The following ZFHX3 variants were observed in gnomAD, a reference collection of about 807,000 sequenced individuals.
ZFHX3 encodes the protein zinc finger homeobox protein 3.
A neutral mutation model predicts 279.1 loss-of-function variants in ZFHX3; 42 were observed. That is an observed-to-expected ratio of 0.15 (90% CI 0.12 to 0.19). The LOEUF is 0.19. Among genes scored for constraint, ZFHX3 ranks in the 10% least tolerant of loss-of-function variants. The pLI is 1.00. For synonymous variants in ZFHX3, 2,293 were observed against 1,957.8 expected, an observed-to-expected ratio of 1.17 and a Z score of -4.52; for missense variants, 4,981 against 4,754.0, an observed-to-expected ratio of 1.05 and a Z score of -1.40.
chr16:73,722,252 G>A (rs2053480427), intron 1 of ZFHX3, among the ~76,000 whole-genome samples: 1 of 152,130 alleles, frequency 6.6e-6, no homozygotes, highest in Non-Finnish European at 1.5e-5. Flanking sequence ...CAGATTCAAA[G>A]AAACCAAGGA....
At chr16:73,132,609 A>G (rs1372891743) in intron 6 of ZFHX3, among the ~76,000 whole-genome samples, 2 of 152,146 alleles carry the variant, frequency 1.3e-5, no homozygotes, top group African/African-American at 4.8e-5. Context: ...AGGACCACAT[A>G]TCACACAGAG....
chr16:73,176,378 G>C (rs773657614), intron 5 of ZFHX3, among the ~76,000 whole-genome samples: 6 of 152,152 alleles, frequency 3.9e-5, no homozygotes, highest in Non-Finnish European at 7.3e-5. Context: ...AGTGATGATA[G>C]GAAGTCAAGT....
At chr16:73,569,093 C>T (rs1238150225) in intron 2 of ZFHX3, among the ~76,000 whole-genome samples, 1 of 152,156 alleles carries the variant, frequency 6.6e-6, no homozygotes, top group Non-Finnish European at 1.5e-5. Context: ...GAAGTCAAGC[C>T]AGGGACCTTA....
At chr16:73,026,184 A>G (rs1964489641) in intron 1 of ZFHX3, among the ~76,000 whole-genome samples, 2 of 105,318 alleles carry the variant, frequency 1.9e-5, no homozygotes, top group Admixed American at 1.2e-4. Context: ...CCATCTCTAC[A>G]AAAAATACAA....
Position 73,843,356 on chromosome 16 carries a change from A to G in ZFHX3, c.-1608+48295T>C, listed in dbSNP as rs542904974. 3.5e-4 allele frequency among the ~76,000 whole-genome samples: 53 copies of G among 152,316 alleles called. No homozygotes were observed. In the South Asian group the frequency reaches 9.3e-3, roughly 27 times the overall value. ...AAAACGTGTGAAGATATTCAGCACA[A>G]AAGGCCCGGTTTTGAACGTCGATAA... On this transcript the variant is annotated intron_variant, in intron 1 of 17. Coordinates refer to the ZFHX3 transcript ENST00000641206.
intron 4 of ZFHX3, among the ~76,000 whole-genome samples, chr16:72,835,016 T>A (rs1184877357): frequency 1.3e-5 from 2 of 152,278 alleles, no homozygotes; most frequent in Non-Finnish European, 2.9e-5. Context: ...TGCCTCAGTG[T>A]GACAGAAATT....
Position 73,016,353 on chromosome 16 carries a change from G to A in ZFHX3, c.-50+31399C>T, listed in dbSNP as rs371461894. On this transcript the variant is annotated intron_variant, in intron 1 of 9. Transcript: ENST00000268489. Reference sequence around the variant, plus strand: ...GTTCAATTTTAGCACACATGTACAAGGCGCTACTTTGTACATGACAAGATG... The same window carrying A: ...GTTCAATTTTAGCACACATGTACAAAGCGCTACTTTGTACATGACAAGATG... 7.0e-4 allele frequency among the ~76,000 whole-genome samples: 107 copies of A among 152,134 alleles called. 1 individual carries two copies. The highest frequency in any genetic ancestry group is 2.3e-3 in the African/African-American group (96 of 41,480).
At chr16:73,329,598 T>A (rs2015761194) in intron 3 of ZFHX3, among the ~76,000 whole-genome samples, 1 of 152,212 alleles carries the variant, frequency 6.6e-6, no homozygotes, top group South Asian at 2.1e-4. Flanking sequence ...CAAGCACTTA[T>A]GACATGTAAT....
chr16:73,458,668 T>C (rs2143575881), intron 2 of ZFHX3, among the ~76,000 whole-genome samples: 1 of 152,276 alleles, frequency 6.6e-6, no homozygotes, highest in East Asian at 1.9e-4. Flanking sequence ...TTGATGCGGG[T>C]TGGCTCCCTC....
intron 7 of ZFHX3, among the ~76,000 whole-genome samples, chr16:73,102,192 G>C (rs1354121913): frequency 6.6e-6 from 1 of 152,134 alleles, no homozygotes; most frequent in Non-Finnish European, 1.5e-5. Flanking sequence ...GGGATTACAG[G>C]AGTGAGCCAC....
At chr16:73,171,645 C>T (rs1967527439) in intron 5 of ZFHX3, among the ~76,000 whole-genome samples, 1 of 152,164 alleles carries the variant, frequency 6.6e-6, no homozygotes, top group Non-Finnish European at 1.5e-5. Flanking sequence ...TAACTGTTAG[C>T]AGTTAATTGC....
At chr16:73,811,972 C>T (rs994803351) in intron 1 of ZFHX3, among the ~76,000 whole-genome samples, 2 of 152,176 alleles carry the variant, frequency 1.3e-5, no homozygotes, top group Non-Finnish European at 2.9e-5. Flanking sequence ...TGCAACAATT[C>T]TCTTACTATC....
intron 3 of ZFHX3, among the ~76,000 whole-genome samples, chr16:73,381,634 A>C (rs2016819644): frequency 6.6e-6 from 1 of 152,250 alleles, no homozygotes; most frequent in South Asian, 2.1e-4. Context: ...TTTTTCTATA[A>C]GGAGCCAGAT....
intron 7 of ZFHX3, 76 bp downstream of exon 7, chr16:72,811,501 C>CCT: frequency 7.3e-7 from 1 of 1,362,082 alleles, no homozygotes; most frequent in African/African-American, 1.5e-5. Flanking sequence ...TCCAATAATA[C>CCT]AGTATCTTGC....
At chr16:72,917,130 A>G (rs2039461546) in intron 3 of ZFHX3, among the ~76,000 whole-genome samples, 1 of 152,196 alleles carries the variant, frequency 6.6e-6, no homozygotes, top group Non-Finnish European at 1.5e-5. Context: ...AGTCCTGGCT[A>G]TTCAGGAGGC....
chr16:73,071,945 C>T (rs1268316320), intron 8 of ZFHX3, among the ~76,000 whole-genome samples: 1 of 152,202 alleles, frequency 6.6e-6, no homozygotes, highest in Non-Finnish European at 1.5e-5. Context: ...TTGCTTCCAC[C>T]TCCCACCCTA....
Position 72,957,957 on chromosome 16 carries a change from A to C in ZFHX3, c.2189T>G (p.Val730Gly). The C allele has an allele frequency of 6.2e-7, 1 of 1,614,034 alleles. No individual in the cohort carries two copies. Among genetic ancestry groups the C allele is most frequent in the South Asian group, 1.1e-5 (1 of 91,072 alleles). ...TTTGGTAGTTGTGGAGTAGTTACACACCTCGCAGCGGAAAGGCTTGTAACC... is the reference window on the plus strand; with the variant it reads ...TTTGGTAGTTGTGGAGTAGTTACACCCCTCGCAGCGGAAAGGCTTGTAACC... ...TCGYKPFRCE[V>G]CNYSTTTKGN... Residue 730 changes from valine to glycine, a missense_variant, in exon 2 of 10, where the codon GTG (valine) becomes GGG (glycine). This residue lies in a region of ZFHX3 where 39 missense variants were observed against 68.2 expected (regional missense o/e 0.57). Transcript: ENST00000268489.
intron 1 of ZFHX3, among the ~76,000 whole-genome samples, chr16:72,999,633 AC>A (rs1482284242): frequency 1.3e-5 from 2 of 152,148 alleles, no homozygotes; most frequent in Non-Finnish European, 2.9e-5. Flanking sequence ...CTCAGGGGTG[AC>A]CCATCTATCC....
At chr16:73,602,562 C>T (rs1450654094) in intron 2 of ZFHX3, among the ~76,000 whole-genome samples, 4 of 152,170 alleles carry the variant, frequency 2.6e-5, no homozygotes, top group Non-Finnish European at 5.9e-5. Flanking sequence ...GTATTTAAAT[C>T]TTCCATGTAA....
Sources: gnomAD v4.1 joint callset for allele counts (sites outside exome capture counted in the v4.1 genomes callset) on GRCh38, gnomAD v4.1.1 for gene constraint, gnomAD v4.1.1 regional missense constraint, MANE v1.5 for transcripts, NCBI Gene and HGNC (gene_info 2026-07-23, HGNC 2026-07-21) for gene names.